The following DPYSL2 variants were observed in gnomAD, a reference collection of about 807,000 sequenced individuals.
The protein encoded by DPYSL2 is dihydropyrimidinase-related protein 2.
Under a neutral mutation model 69.9 loss-of-function variants are expected in DPYSL2, and 13 were observed. The observed-to-expected ratio is 0.19, with a 90% CI of 0.12 to 0.30. The LOEUF (loss-of-function observed/expected upper bound fraction) is 0.30, where lower values mean the gene tolerates loss of function less well. Among genes scored for constraint, DPYSL2 ranks in the 10% least tolerant of loss-of-function variants. The pLI is 1.00. For synonymous variants in DPYSL2, 326 were observed against 359.1 expected, an observed-to-expected ratio of 0.91 and a Z score of 1.04; for missense variants, 587 against 918.9, an observed-to-expected ratio of 0.64 and a Z score of 4.67.
chr8:26,643,828 A>G lies in DPYSL2; in HGVS notation c.1284-122A>G, dbSNP rs184841156. 2,514 of 1,330,366 alleles carry G rather than the reference A, an allele frequency of 1.9e-3. 3 individuals carry two copies. Among genetic ancestry groups the G allele is most frequent in the Middle Eastern group, 2.5e-3 (12 of 4,826 alleles). 82.4% of individuals were successfully genotyped at this position (1,330,366 alleles called of 1,614,324 possible). On this transcript the variant is annotated intron_variant, in intron 9 of 13. Coordinates refer to ENST00000521913, the MANE Select transcript of DPYSL2 (RefSeq NM_001197293.3). The surrounding 1 kb of genome is among the most constrained non-coding windows in gnomAD (Gnocchi z 6.5). ...GAAAGTCAAGCCAAGAAGGGAGAGG[A>G]GGCGTCAAAAGGACTCCACTTGGGT...
rs1803190089 is a variant in DPYSL2, at chr8:26,647,392, G to A, written c.1426-238G>A. ...CTCCCCTCCACCCTCCCTAACCCTGGAAGAACCCATCTAGCCCCTCATCTG... is the reference window on the plus strand; with the variant it reads ...CTCCCCTCCACCCTCCCTAACCCTGAAAGAACCCATCTAGCCCCTCATCTG... On this transcript the variant is annotated intron_variant, in intron 10 of 13. Coordinates refer to ENST00000521913, the MANE Select transcript of DPYSL2 (RefSeq NM_001197293.3). This position sits in a 1 kb window ranked among gnomAD's most constrained non-coding sequence, Gnocchi z 5.1. Among the ~76,000 whole-genome samples the A allele has an allele frequency of 6.6e-6, 1 of 152,036 alleles. No individual in the cohort carries two copies. The highest frequency in any genetic ancestry group is 2.4e-5 in the African/African-American group (1 of 41,378).
intron 2 of DPYSL2, among the ~76,000 whole-genome samples, chr8:26,583,457 GATA>G (rs1801532715): frequency 6.6e-6 from 1 of 152,018 alleles, no homozygotes; most frequent in Non-Finnish European, 1.5e-5. Flanking sequence ...ATTGCTATAG[GATA>G]ATTAGCTCAA....
At chr8:26,635,454 GT>G (rs1242786977) in intron 8 of DPYSL2, among the ~76,000 whole-genome samples, 9 of 152,200 alleles carry the variant, frequency 5.9e-5, no homozygotes, top group African/African-American at 1.9e-4. Flanking sequence ...AACTGATGAA[GT>G]GCAGCTTCCA....
At chr8:26,632,660 G>A (rs753509) in intron 7 of DPYSL2, among the ~76,000 whole-genome samples, 73,568 of 151,988 alleles carry the variant, frequency 0.48, 19,479 homozygotes, top group East Asian at 0.69. Context: ...GCAACATGGC[G>A]AAACCCCGTG....
intron 10 of DPYSL2, among the ~76,000 whole-genome samples, chr8:26,646,943 A>G (rs1274393227): frequency 2.0e-5 from 3 of 151,868 alleles, no homozygotes; most frequent in Non-Finnish European, 4.4e-5. Flanking sequence ...TGATCACTCT[A>G]CTGCACTCTA....
In DPYSL2 at chr8:26,626,476, T is replaced by A; in HGVS notation, c.794-141T>A. The A allele has an allele frequency of 1.4e-6, 1 of 694,202 alleles. No homozygotes were observed. Among genetic ancestry groups the A allele is most frequent in the Non-Finnish European group, 2.3e-6 (1 of 432,508 alleles). The allele number at this position is 694,202 out of a possible 1,614,324, so 43.0% of individuals were successfully genotyped here. On this transcript the variant is annotated intron_variant, in intron 4 of 13. Coordinates refer to ENST00000521913, the MANE Select transcript of DPYSL2 (RefSeq NM_001197293.3). The surrounding 1 kb of genome is among the most constrained non-coding windows in gnomAD (Gnocchi z 4.3). ...CATTTCTCTCCTCTCTCTTTCTCTG[T>A]ACTGAAACACACACACACACACACA...
intron 1 of DPYSL2, among the ~76,000 whole-genome samples, chr8:26,572,502 T>C (rs574842447): frequency 8.8e-4 from 134 of 152,250 alleles, no homozygotes; most frequent in African/African-American, 3.1e-3. Flanking sequence ...TGAGTAAGAC[T>C]TTTTTGTTTG....
At chr8:26,525,619 A>G (rs1334413321) in intron 1 of DPYSL2, among the ~76,000 whole-genome samples, 1 of 152,188 alleles carries the variant, frequency 6.6e-6, no homozygotes, top group Non-Finnish European at 1.5e-5. Flanking sequence ...CAGTTTTTCC[A>G]ATGGCATTTA....
At chr8:26,525,316 G>A (rs1191246282) in intron 1 of DPYSL2, among the ~76,000 whole-genome samples, 4 of 152,058 alleles carry the variant, frequency 2.6e-5, no homozygotes, top group African/African-American at 9.7e-5. Flanking sequence ...GACCTCCTAG[G>A]CTCAAGCGAT....
rs1198554150 is a variant in DPYSL2 at position 26,611,824 on chromosome 8, T to C, written c.629-12319T>C. 2.0e-5 allele frequency among the ~76,000 whole-genome samples: 3 copies of C among 152,254 alleles called. No individual in the cohort carries two copies. In the East Asian group the frequency reaches 5.8e-4, roughly 29 times the overall value. The stretch of plus-strand genomic sequence containing the variant: ...CATGGAGCTGAGACAAAGCACAGCT[T>C]CTCCCTGGACCCGGAAAGAGGGACT... On this transcript the variant is annotated intron_variant, in intron 3 of 13. Transcript: ENST00000521913.
intron 1 of DPYSL2, among the ~76,000 whole-genome samples, chr8:26,539,103 GT>G: frequency 6.6e-6 from 1 of 152,274 alleles, no homozygotes; most frequent in South Asian, 2.1e-4. Flanking sequence ...TTTGTTTTCT[GT>G]TTCTGCATTA....
chr8:26,557,317 T>C (rs539191175), intron 1 of DPYSL2, among the ~76,000 whole-genome samples: 120 of 151,132 alleles, frequency 7.9e-4, no homozygotes, highest in Non-Finnish European at 3.0e-4. Flanking sequence ...AGAACTGTTA[T>C]CCAAAATGTA....
chr8:26,623,903 A>C, intron 3 of DPYSL2: 1 of 493,056 alleles, frequency 2.0e-6, no homozygotes, highest in South Asian at 2.4e-5. Flanking sequence ...GGGAAATCAG[A>C]TCTGGGCAGT....
Position 26,654,223 on chromosome 8 carries a change from T to C in DPYSL2, c.1942+826T>C, listed in dbSNP as rs888518026. ...ATGTACAGTGCTTAGAATGGGGCCA[T>C]TTGAGAACTGTTAGTTGTATTTGCT... On this transcript the variant is annotated intron_variant, in intron 13 of 13. Coordinates refer to ENST00000521913, the MANE Select transcript of DPYSL2 (RefSeq NM_001197293.3). This position sits in a 1 kb window ranked among gnomAD's most constrained non-coding sequence, Gnocchi z 5.0. Among the ~76,000 whole-genome samples the C allele has an allele frequency of 3.9e-5, 6 of 152,170 alleles. No individual in the cohort carries two copies. Among genetic ancestry groups the C allele is most frequent in the Admixed American group, 3.3e-4 (5 of 15,276 alleles).
rs1803094783 is a variant in DPYSL2, at chr8:26,643,382, G to T, written c.1127-57G>T. On this transcript the variant is annotated intron_variant, in intron 8 of 13. Transcript: ENST00000521913. The surrounding 1 kb of genome is among the most constrained non-coding windows in gnomAD (Gnocchi z 6.5). The stretch of plus-strand genomic sequence containing the variant: ...GGGCAGGCAGTGGCTCCTCATAGGG[G>T]TGGTTCCCTTCCCCCTGCATTGTGT... 6.6e-7 allele frequency: 1 copy of T among 1,524,192 alleles called. No individual in the cohort carries two copies. The highest frequency in any genetic ancestry group is 2.2e-5 in the Admixed American group (1 of 46,404). 94.4% of individuals were successfully genotyped at this position (1,524,192 alleles called of 1,614,324 possible). A position where few individuals can be genotyped will look rare whatever the true frequency, so the allele number is the denominator to read the frequency against.
chr8:26,599,143 T>C (rs1801935197), intron 3 of DPYSL2, among the ~76,000 whole-genome samples: 1 of 152,202 alleles, frequency 6.6e-6, no homozygotes, highest in African/African-American at 2.4e-5. Flanking sequence ...TAGGTTCTTT[T>C]ATGTAGAGGG....
intron 1 of DPYSL2, chr8:26,578,131 G>T (rs1389349785): frequency 6.4e-7 from 1 of 1,569,894 alleles, no homozygotes; most frequent in Non-Finnish European, 8.6e-7. Context: ...CAGCGAAGCG[G>T]TTGCACCCTT....
At position 26,581,993 on chromosome 8, in the gene DPYSL2, G is replaced by A; in HGVS notation, c.379G>A (p.Gly127Ser). 1 of 1,613,966 alleles carries A rather than the reference G, an allele frequency of 6.2e-7. No homozygotes were observed. Among genetic ancestry groups the A allele is most frequent in the Admixed American group, 1.7e-5 (1 of 60,020 alleles). Residue 127 changes from glycine to serine, a missense_variant, in exon 2 of 14, where the codon GGT (glycine) becomes AGT (serine). Gly to Ser is a moderately conservative substitution (Grantham distance 56). This residue lies in a region of DPYSL2 where 452 missense variants were observed against 754.3 expected (regional missense o/e 0.60). Transcript: ENST00000521913. ...DQSDRLLIKG[G>S]KIVNDDQSFY... ...GAGCGATCGTCTTCTGATCAAAGGA[G>A]GTAAAATTGTTAATGATGACCAGTC...
In DPYSL2 at chr8:26,626,657, C is replaced by A. The variant is rs756113609; in HGVS notation, c.834C>A (p.Arg278=). ...TCGTGTACATGGCTTTCAAAGATCGCTTCCAGCTAACGGATTGCCAGGTAA... is the reference window on the plus strand; with the variant it reads ...TCGTGTACATGGCTTTCAAAGATCGATTCCAGCTAACGGATTGCCAGGTAA... ...SFLVYMAFKD[R]FQLTDCQIYE... is the part of the protein sequence containing the mutation. Residue 278 remains arginine (R), a synonymous_variant, in exon 5 of 14, where the codon CGC becomes CGA. Transcript: ENST00000521913. This position sits in a 1 kb window ranked among gnomAD's most constrained non-coding sequence, Gnocchi z 4.3. 15 of 1,614,098 alleles carry A rather than the reference C, an allele frequency of 9.3e-6. No individual in the cohort carries two copies. The highest frequency in any genetic ancestry group is 1.3e-5 in the Non-Finnish European group (15 of 1,180,050).
Sources: allele counts gnomAD v4.1 joint callset (sites outside exome capture counted in the v4.1 genomes callset), GRCh38; gene constraint gnomAD v4.1.1; regional missense constraint gnomAD v4.1.1; non-coding constraint Gnocchi (gnomAD v3.1); transcripts MANE v1.5; gene names NCBI Gene and HGNC (gene_info 2026-07-23, HGNC 2026-07-21).